The following SPNS3 variants were observed in gnomAD, a reference collection of about 807,000 sequenced individuals.
SPNS3 encodes SPNS lysolipid transporter 3, sphingosine-1-phosphate (putative).
Under a neutral mutation model 54.4 loss-of-function variants are expected in SPNS3, and 51 were observed. The ratio of observed to expected loss-of-function variants is 0.94; its 90% CI spans 0.75 to 1.18. The LOEUF (loss-of-function observed/expected upper bound fraction) is 1.18. Ranked by LOEUF, SPNS3 falls within the 50% of genes most tolerant of loss-of-function variation. The probability of loss-of-function intolerance (pLI) is 0.00; values close to 1 mark genes in which losing one functional copy is unlikely to be tolerated. For missense variants in SPNS3, 669 were observed against 677.4 expected (o/e 0.99, Z 0.14); for synonymous variants, 309 against 294.7 (o/e 1.05, Z -0.50).
intron 8 of SPNS3, among the ~76,000 whole-genome samples, chr17:4,472,078 C>T (rs1482920023): frequency 1.3e-5 from 2 of 152,000 alleles, no homozygotes; most frequent in Non-Finnish European, 2.9e-5. Context: ...AGGCTGGTCT[C>T]GAACTCCTGA....
At chr17:4,466,539 CAAA>C (rs71144202) in intron 8 of SPNS3, among the ~76,000 whole-genome samples, 217 of 104,918 alleles carry the variant, frequency 2.1e-3, no homozygotes, top group Middle Eastern at 0.013. Context: ...GACTCTGTCT[CAAA>C]AAAAAAAAAA....
At chr17:4,443,036 A>G (rs1003877617) in intron 2 of SPNS3, among the ~76,000 whole-genome samples, 1 of 151,996 alleles carries the variant, frequency 6.6e-6, no homozygotes, top group African/African-American at 2.4e-5. Flanking sequence ...TGTGAGGAAT[A>G]TGAGGATATA....
intron 1 of SPNS3, among the ~76,000 whole-genome samples, chr17:4,438,300 AC>A (rs926163186): frequency 6.6e-6 from 1 of 152,256 alleles, no homozygotes; most frequent in African/African-American, 2.4e-5. Flanking sequence ...CAGACGGGCA[AC>A]CTTGGGCCGC....
intron 8 of SPNS3, among the ~76,000 whole-genome samples, chr17:4,460,484 T>G (rs1381765001): frequency 2.1e-5 from 3 of 145,048 alleles, no homozygotes; most frequent in Non-Finnish European, 4.5e-5. Context: ...CAGGCTGGAG[T>G]GCAGTGGCGT....
intron 5 of SPNS3, 76 bp downstream of exon 5, chr17:4,447,038 G>A (rs1448270354): frequency 6.5e-7 from 1 of 1,544,864 alleles, no homozygotes; most frequent in East Asian, 2.3e-5. Context: ...GGTGACCTTA[G>A]CCACTTGGCG....
chr17:4,468,611 G>T lies in SPNS3; in HGVS notation c.1114-9961G>T, dbSNP rs61213285. 6.5e-4 allele frequency among the ~76,000 whole-genome samples: 99 copies of T among 152,018 alleles called. 1 individual carries two copies. The highest frequency in any genetic ancestry group is 1.9e-3 in the African/African-American group (79 of 41,456). ...GGGGAAGACTGAGGGAGGGGCAGGG[G>T]TTTTTGTTTTGGAGGGAGGGATTAG... On this transcript the variant is annotated intron_variant, in intron 8 of 11. Transcript: ENST00000355530.
chr17:4,448,029 C>A, intron 5 of SPNS3, 126 bp from the exon 6 acceptor site: 1 of 918,872 alleles, frequency 1.1e-6, no homozygotes, highest in East Asian at 3.1e-5. Flanking sequence ...CAGGTCACCC[C>A]CACTACCCCC....
intron 8 of SPNS3, among the ~76,000 whole-genome samples, chr17:4,478,202 C>G (rs553234215): frequency 6.6e-6 from 1 of 151,942 alleles, no homozygotes; most frequent in South Asian, 2.1e-4. Flanking sequence ...GAACTCCTGA[C>G]CTCAAGTGAT....
At chr17:4,482,866 G>A (rs1972207211) in intron 9 of SPNS3, among the ~76,000 whole-genome samples, 1 of 152,198 alleles carries the variant, frequency 6.6e-6, no homozygotes, top group African/African-American at 2.4e-5. Flanking sequence ...GTAAGCAAAG[G>A]TGTGGAGGGA....
In SPNS3 at chr17:4,478,643, T is replaced by G; in HGVS notation, c.1179+6T>G. The stretch of plus-strand genomic sequence containing the variant: ...TGGTTGCCGACATCCTGCTGGTAGG[T>G]GTGGGAGTCGGGGTGGTGGGCTGAG... On this transcript the variant is annotated splice_donor_region_variant and intron_variant, in intron 9 of 11. Transcript: ENST00000355530. The G allele has an allele frequency of 6.3e-7, 1 of 1,583,172 alleles. No individual in the cohort carries two copies. Among genetic ancestry groups the G allele is most frequent in the Non-Finnish European group, 8.6e-7 (1 of 1,164,400 alleles).
chr17:4,474,442 C>T (rs547740063), intron 8 of SPNS3, among the ~76,000 whole-genome samples: 4 of 152,004 alleles, frequency 2.6e-5, no homozygotes, highest in Non-Finnish European at 4.4e-5. Flanking sequence ...GGACAGCGAG[C>T]CCCCAGGGGA....
Position 4,447,071 on chromosome 17 carries a change from G to T in SPNS3, c.621+109G>T. ...GCGTAGCACCCGGCGCCATTAGGGG[G>T]ACGGGGGGTGGTGGTCAGGCATCGG... On this transcript the variant is annotated intron_variant, in intron 5 of 11. Coordinates refer to ENST00000355530, the MANE Select transcript of SPNS3 (RefSeq NM_182538.5). 6 of 1,098,404 alleles carry T rather than the reference G, an allele frequency of 5.5e-6. No individual in the cohort carries two copies. The South Asian group carries it at 6.5e-5, about 12-fold the overall frequency. The allele number at this position is 1,098,404 out of a possible 1,614,324, so 68.0% of individuals were successfully genotyped here.
chr17:4,439,802 G>A, intron 2 of SPNS3, 79 bp downstream of exon 2: 1 of 1,359,858 alleles, frequency 7.4e-7, no homozygotes, highest in Non-Finnish European at 1.0e-6. Flanking sequence ...CATGTTCTGT[G>A]CCCAGCTCCA....
chr17:4,487,167 CAAAAA>C (rs35822922), intron 11 of SPNS3, among the ~76,000 whole-genome samples: 31 of 70,484 alleles, frequency 4.4e-4, no homozygotes, highest in African/African-American at 1.7e-3. Context: ...AAGACTGTCT[CAAAAA>C]AAAAAAAAAA....
In SPNS3 at chr17:4,445,086, G is replaced by A. The variant is rs780273061; in HGVS notation, c.320G>A (p.Arg107Gln). 2.0e-5 allele frequency: 32 copies of A among 1,614,018 alleles called. No individual in the cohort carries two copies. Among genetic ancestry groups the A allele is most frequent in the Non-Finnish European group, 1.8e-5 (21 of 1,179,988 alleles). Residue 107 changes from arginine (R) to glutamine (Q), a missense_variant, in exon 3 of 12, where the codon CGA (arginine) becomes CAA (glutamine). Arg to Gln is a conservative substitution (Grantham distance 43, BLOSUM62 1). Coordinates refer to ENST00000355530, the MANE Select transcript of SPNS3 (RefSeq NM_182538.5). ...CCTGTGTTTGGCTACCTGGGCGACC[G>A]ACATAGCCGCAAGGCTACCATGAGC... ...SAPVFGYLGD[R>Q]HSRKATMSFG... is the part of the protein sequence containing the mutation.
At chr17:4,472,774 C>CATTTTTTTTTTTTTTTTTTTTT (rs1567572187) in intron 8 of SPNS3, among the ~76,000 whole-genome samples, 2 of 50,940 alleles carry the variant, frequency 3.9e-5, no homozygotes, top group African/African-American at 1.8e-4. Flanking sequence ...GCTTGGCAGC[C>CATTTTTTTTTTTTTTTTTTTTT]TTTTTTTTTT....
At chr17:4,438,694 G>A (rs1315262384) in intron 1 of SPNS3, among the ~76,000 whole-genome samples, 1 of 152,240 alleles carries the variant, frequency 6.6e-6, no homozygotes, top group African/African-American at 2.4e-5. Flanking sequence ...CATTTCCAGT[G>A]TTTGTGCATG....
intron 3 of SPNS3, 105 bp downstream of exon 3, chr17:4,445,273 C>CAGTCACAGCCAGGAA: frequency 3.4e-6 from 4 of 1,174,804 alleles, no homozygotes; most frequent in Non-Finnish European, 3.6e-6. Context: ...TGCTCCATTC[C>CAGTCACAGCCAGGAA]TGGCTGTGAC....
intron 8 of SPNS3, among the ~76,000 whole-genome samples, chr17:4,455,217 A>G (rs1971274822): frequency 1.3e-5 from 2 of 152,170 alleles, no homozygotes; most frequent in Admixed American, 6.5e-5. Flanking sequence ...CCCAGCCCCA[A>G]ACAAAGCTTC....
Sources: gnomAD v4.1 joint callset for allele counts (sites outside exome capture counted in the v4.1 genomes callset) on GRCh38, gnomAD v4.1.1 for gene constraint, MANE v1.5 for transcripts, NCBI Gene and HGNC (gene_info 2026-07-23, HGNC 2026-07-21) for gene names.